The following B3GALT1 variants were observed in gnomAD, a reference collection of about 807,000 sequenced individuals.
The protein encoded by B3GALT1 is beta-1,3-galactosyltransferase 1, also known as UDP-Gal:betaGlcNAc beta 1,3-galactosyltransferase, polypeptide 1.
B3GALT1 carries 10 observed loss-of-function variants against 23.2 expected under a neutral mutation model. The ratio of observed to expected loss-of-function variants is 0.43; its 90% CI spans 0.27 to 0.73. The LOEUF is 0.73. B3GALT1 is among the 30% of genes least tolerant of loss of function. B3GALT1 has a pLI of 0.21. For missense variants in B3GALT1, 299 were observed against 405.4 expected (o/e 0.74, Z 2.25); for synonymous variants, 156 against 141.5 (o/e 1.10, Z -0.73).
At chr2:167,301,690 A>G (rs1169903437) in intron 1 of B3GALT1, among the ~76,000 whole-genome samples, 1 of 152,190 alleles carries the variant, frequency 6.6e-6, no homozygotes, top group African/African-American at 2.4e-5. Flanking sequence ...AGCTGGGATT[A>G]TAGGCATCCG....
intron 3 of B3GALT1, among the ~76,000 whole-genome samples, chr2:167,670,398 G>A (rs1686303137): frequency 1.3e-5 from 2 of 152,216 alleles, no homozygotes; most frequent in African/African-American, 4.8e-5. Context: ...GCTGATGGTA[G>A]AAGTCTTTCT....
intron 1 of B3GALT1, among the ~76,000 whole-genome samples, chr2:167,461,077 C>T (rs1033009276): frequency 6.6e-6 from 1 of 152,148 alleles, no homozygotes; most frequent in Non-Finnish European, 1.5e-5. Flanking sequence ...GAGGGGGATA[C>T]AGCAATGGCC....
chr2:167,681,706 C>G (rs1047809829), intron 3 of B3GALT1, among the ~76,000 whole-genome samples: 1 of 152,108 alleles, frequency 6.6e-6, no homozygotes, highest in Non-Finnish European at 1.5e-5. Context: ...TTAATGAGTT[C>G]GTATATTCTA....
At chr2:167,500,665 A>G (rs376040777) in intron 2 of B3GALT1, among the ~76,000 whole-genome samples, 1 of 152,182 alleles carries the variant, frequency 6.6e-6, no homozygotes. Context: ...TGTGCTCATT[A>G]TTAAGGCAGG....
intron 4 of B3GALT1, among the ~76,000 whole-genome samples, chr2:167,836,627 C>A (rs1324833661): frequency 6.6e-6 from 1 of 152,144 alleles, no homozygotes; most frequent in Non-Finnish European, 1.5e-5. Context: ...AGGAGAACTT[C>A]CCCAATCTAG....
chr2:167,462,288 A>G (rs1179086322), intron 1 of B3GALT1, among the ~76,000 whole-genome samples: 1 of 152,140 alleles, frequency 6.6e-6, no homozygotes, highest in Non-Finnish European at 1.5e-5. Context: ...AGAATATAAC[A>G]GTTGGCTCTC....
At chr2:167,664,689 G>T (rs1686139501) in intron 3 of B3GALT1, among the ~76,000 whole-genome samples, 1 of 152,140 alleles carries the variant, frequency 6.6e-6, no homozygotes, top group African/African-American at 2.4e-5. Flanking sequence ...TCCCTTGTAA[G>T]TTGGATTCCT....
At position 167,633,516 on chromosome 2, in the gene B3GALT1, A is replaced by T. The variant is rs141988610; in HGVS notation, c.-409-13393A>T. ...AAAAAAAAAATAGCAACAACAAAAA[A>T]AAACCAGGGGTTGCAATCCTAGTCT... is the stretch of plus-strand genomic sequence containing the variant. On this transcript the variant is annotated intron_variant, in intron 2 of 4. Transcript: ENST00000392690. 3.3e-3 allele frequency among the ~76,000 whole-genome samples: 500 copies of T among 152,110 alleles called. 4 individuals carry two copies. Among genetic ancestry groups the T allele is most frequent in the African/African-American group, 0.011 (475 of 41,534 alleles).
chr2:167,516,798 C>T (rs889395619), intron 2 of B3GALT1, among the ~76,000 whole-genome samples: 1 of 151,924 alleles, frequency 6.6e-6, no homozygotes, highest in Admixed American at 6.6e-5. Context: ...TGTAATGCTG[C>T]AGCCATAATG....
chr2:167,783,112 CT>C (rs1688275614), intron 3 of B3GALT1, among the ~76,000 whole-genome samples: 1 of 152,082 alleles, frequency 6.6e-6, no homozygotes, highest in Non-Finnish European at 1.5e-5. Flanking sequence ...CCCACCACTT[CT>C]GCCTCCTGTG....
chr2:167,482,202 A>G (rs1483944682), intron 1 of B3GALT1, among the ~76,000 whole-genome samples: 1 of 152,082 alleles, frequency 6.6e-6, no homozygotes, highest in Non-Finnish European at 1.5e-5. Flanking sequence ...TCATAGTCTG[A>G]CTCTAATATT....
chr2:167,418,895 CTG>C (rs1698507748), intron 1 of B3GALT1, among the ~76,000 whole-genome samples: 1 of 152,170 alleles, frequency 6.6e-6, no homozygotes, highest in African/African-American at 2.4e-5. Context: ...GGAGGATTAA[CTG>C]GGAGGCTCTG....
intron 3 of B3GALT1, among the ~76,000 whole-genome samples, chr2:167,774,497 G>GTTTTTT (rs397986581): frequency 1.2e-5 from 1 of 82,992 alleles, no homozygotes; most frequent in Non-Finnish European, 2.2e-5. Context: ...TTTTTTTTTT[G>GTTTTTT]TTTTTTTTTT....
intron 1 of B3GALT1, among the ~76,000 whole-genome samples, chr2:167,361,321 G>A (rs907749781): frequency 3.3e-5 from 5 of 150,578 alleles, no homozygotes; most frequent in Non-Finnish European, 7.4e-5. Flanking sequence ...CTGCATACAT[G>A]GAGGTGTCAC....
rs79685058 is a variant in B3GALT1 at position 167,475,563 on chromosome 2, C to T, written c.-510-14614C>T. 5.5e-3 allele frequency among the ~76,000 whole-genome samples: 836 copies of T among 151,940 alleles called. 1 individual carries two copies. The highest frequency in any genetic ancestry group is 0.024 in the Middle Eastern group (7 of 294). On this transcript the variant is annotated intron_variant, in intron 1 of 4. Coordinates refer to ENST00000392690, the MANE Select transcript of B3GALT1 (RefSeq NM_020981.4). ...AAGAAATTTTTGCTAGTTTTGCTGT[C>T]GAACTTCAACTACAAAAGATACAGC... is the stretch of plus-strand genomic sequence containing the variant.
chr2:167,693,180 A>G (rs1021084358), intron 3 of B3GALT1, among the ~76,000 whole-genome samples: 1 of 152,030 alleles, frequency 6.6e-6, no homozygotes, highest in Non-Finnish European at 1.5e-5. Context: ...AGTATGGGGA[A>G]ATGATTACCT....
intron 3 of B3GALT1, among the ~76,000 whole-genome samples, chr2:167,649,720 T>C (rs915575195): frequency 2.0e-5 from 3 of 152,116 alleles, no homozygotes; most frequent in African/African-American, 7.2e-5. Context: ...TGATTGATTA[T>C]TGCTTTTATA....
intron 2 of B3GALT1, among the ~76,000 whole-genome samples, chr2:167,599,142 A>T (rs1684831107): frequency 6.6e-6 from 1 of 152,230 alleles, no homozygotes; most frequent in Non-Finnish European, 1.5e-5. Context: ...TCACTGCTAC[A>T]GTAAGCTGCT....
chr2:167,593,910 G>A (rs530523924), intron 2 of B3GALT1, among the ~76,000 whole-genome samples: 4 of 152,292 alleles, frequency 2.6e-5, no homozygotes, highest in South Asian at 2.1e-4. Flanking sequence ...ACCAGGAGGA[G>A]ATAGGCCAAA....
Sources: allele counts gnomAD v4.1 joint callset (sites outside exome capture counted in the v4.1 genomes callset), GRCh38; gene constraint gnomAD v4.1.1; transcripts MANE v1.5; gene names NCBI Gene and HGNC (gene_info 2026-07-23, HGNC 2026-07-21).